Variants in FGD6 observed in about 807,000 individuals in gnomAD.
The protein encoded by FGD6 is FYVE, RhoGEF and PH domain-containing protein 6.
FGD6 carries 90 observed loss-of-function variants against 149.4 expected under a neutral mutation model. The ratio of observed to expected loss-of-function variants is 0.60; its 90% confidence interval spans 0.51 to 0.72. The LOEUF is 0.72. Among genes scored for constraint, FGD6 ranks in the 30% least tolerant of loss-of-function variants. FGD6 has a pLI of 0.00. For synonymous variants in FGD6, 527 were observed against 584.0 expected (o/e 0.90, Z 1.41); for missense variants, 1,437 against 1,684.8 (o/e 0.85, Z 2.57).
At chr12:95,103,986 TTAAG>T (rs1878529792) in intron 14 of FGD6, among the ~76,000 whole-genome samples, 2 of 152,236 alleles carry the variant, frequency 1.3e-5, no homozygotes, top group Non-Finnish European at 2.9e-5. Context: ...GTTAGAACCT[TTAAG>T]TGACACCTAC....
chr12:95,192,420 A>C (rs1881617729), intron 2 of FGD6, among the ~76,000 whole-genome samples: 1 of 152,232 alleles, frequency 6.6e-6, no homozygotes, highest in African/African-American at 2.4e-5. Flanking sequence ...TTATACCATA[A>C]ACAGGATATG....
chr12:95,175,687 G>C (rs1394648465), intron 2 of FGD6, among the ~76,000 whole-genome samples: 1 of 151,420 alleles, frequency 6.6e-6, no homozygotes, highest in African/African-American at 2.4e-5. Flanking sequence ...AGAGGTTGCA[G>C]TACTCAGGAG....
chr12:95,136,568 C>G (rs1269132256), intron 7 of FGD6, among the ~76,000 whole-genome samples: 1 of 152,152 alleles, frequency 6.6e-6, no homozygotes, highest in Non-Finnish European at 1.5e-5. Context: ...AGTTAAAAGT[C>G]AAAGCTTTGG....
intron 8 of FGD6, chr12:95,116,917 AC>A (rs1394490480): frequency 2.2e-6 from 1 of 456,056 alleles, no homozygotes; most frequent in Middle Eastern, 3.3e-4. Flanking sequence ...TAAGAATGTG[AC>A]TGATCACCCT....
In FGD6 at chr12:95,091,776, C is replaced by G; in HGVS notation, c.3781G>C (p.Gly1261Arg). 6.2e-7 allele frequency: 1 copy of G among 1,613,186 alleles called. No individual in the cohort carries two copies. Among genetic ancestry groups the G allele is most frequent in the African/African-American group, 1.3e-5 (1 of 74,986 alleles). ...GGTTGATTTTTCAGGTAATCTAAGC[C>G]ATACTTATTAGACGAACAAGCTTGG... ...VCQACSSNKYGLDYLKNQPAR... is the reference protein window; with the variant it reads ...VCQACSSNKYRLDYLKNQPAR... Residue 1261 changes from glycine to arginine, a missense_variant, in exon 17 of 21, where the codon GGC becomes CGC. Coordinates refer to ENST00000343958, the MANE Select transcript of FGD6 (RefSeq NM_018351.4).
At position 95,115,541 on chromosome 12, in the gene FGD6, A is replaced by G. The variant is rs140140983; in HGVS notation, c.3083-1840T>C. Among the ~76,000 whole-genome samples the G allele has an allele frequency of 2.8e-4, 43 of 152,178 alleles. No individual in the cohort carries two copies. The East Asian group carries it at 7.3e-3, about 26-fold the overall frequency. On this transcript the variant is annotated intron_variant, in intron 8 of 20. Coordinates refer to ENST00000343958, the MANE Select transcript of FGD6 (RefSeq NM_018351.4). ...AGTGAGCCACTGCACCTGGCCAAGA[A>G]TATATTATTTTTTAGATAGGATTGT...
At chr12:95,084,673 A>C in intron 19 of FGD6, 27 bp from the exon 20 acceptor site, 1 of 1,541,972 alleles carries the variant, frequency 6.5e-7, no homozygotes, top group Non-Finnish European at 8.7e-7. Flanking sequence ...CAAATGGAGA[A>C]AAGTTTTTAG....
chr12:95,095,571 A>C (rs1878205575), intron 14 of FGD6, among the ~76,000 whole-genome samples: 2 of 152,134 alleles, frequency 1.3e-5, no homozygotes, highest in African/African-American at 4.8e-5. Flanking sequence ...AGAGCAGAAA[A>C]GAGGAAGGGA....
chr12:95,149,842 T>C (rs1343175882), intron 5 of FGD6, among the ~76,000 whole-genome samples: 1 of 146,398 alleles, frequency 6.8e-6, no homozygotes, highest in Non-Finnish European at 1.5e-5. Context: ...ATATAGTACA[T>C]ATACTATATA....
chr12:95,200,674 A>G (rs1384165353), intron 2 of FGD6, among the ~76,000 whole-genome samples: 2 of 152,174 alleles, frequency 1.3e-5, no homozygotes, highest in African/African-American at 4.8e-5. Flanking sequence ...TACAATCATC[A>G]TATTTACTCC....
At chr12:95,090,497 T>A (rs947781945) in intron 17 of FGD6, among the ~76,000 whole-genome samples, 2 of 152,266 alleles carry the variant, frequency 1.3e-5, no homozygotes, top group Admixed American at 1.3e-4. Flanking sequence ...AGGGCTGGGA[T>A]GGAGAAATCA....
At chr12:95,201,915 T>C (rs899011681) in intron 2 of FGD6, among the ~76,000 whole-genome samples, 1 of 151,544 alleles carries the variant, frequency 6.6e-6, no homozygotes, top group African/African-American at 2.4e-5. Flanking sequence ...TGTGCAAATT[T>C]CAGCTATCTC....
chr12:95,211,179 G>A lies in FGD6; in HGVS notation c.105C>T (p.Asp35=), dbSNP rs1232358838. 2 of 1,613,926 alleles carry A rather than the reference G, an allele frequency of 1.2e-6. No homozygotes were observed. The highest frequency in any genetic ancestry group is 1.7e-6 in the Non-Finnish European group (2 of 1,180,050). The part of the protein sequence containing the change: ...PAPPPIAPKP[D]IVISSVPQST... ...ACTGTGGAACACTAGAAATCACAAT[G>A]TCGGGTTTAGGTGCAATAGGAGGTG... Residue 35 remains aspartate, a synonymous_variant, in exon 2 of 21, where the codon GAC becomes GAT. Transcript: ENST00000343958.
At chr12:95,179,339 G>GAA (rs57452963) in intron 2 of FGD6, among the ~76,000 whole-genome samples, 34 of 142,210 alleles carry the variant, frequency 2.4e-4, no homozygotes, top group African/African-American at 8.3e-4. Flanking sequence ...CCATTTCTAT[G>GAA]AAAAAAAAAA....
chr12:95,169,347 G>T (rs7978118), intron 3 of FGD6, among the ~76,000 whole-genome samples: 133,967 of 152,134 alleles, frequency 0.88, 59,351 homozygotes, highest in East Asian at 0.97. Flanking sequence ...GTACTCTGTT[G>T]CACTAAAAAC....
chr12:95,178,382 T>C (rs1881190887), intron 2 of FGD6, among the ~76,000 whole-genome samples: 1 of 152,198 alleles, frequency 6.6e-6, no homozygotes, highest in Non-Finnish European at 1.5e-5. Flanking sequence ...TGAGTGCTGG[T>C]AGGTAAAGTA....
chr12:95,109,198 A>G (rs1462113164), intron 9 of FGD6, among the ~76,000 whole-genome samples: 1 of 152,148 alleles, frequency 6.6e-6, no homozygotes, highest in Non-Finnish European at 1.5e-5. Flanking sequence ...TGCCTTTAGC[A>G]AAGTGTTTTT....
At chr12:95,203,115 T>C (rs995886107) in intron 2 of FGD6, among the ~76,000 whole-genome samples, 3 of 152,166 alleles carry the variant, frequency 2.0e-5, no homozygotes, top group African/African-American at 7.2e-5. Flanking sequence ...AATCCCATAA[T>C]AGGACTTGCA....
chr12:95,202,194 C>T (rs2056667548), intron 2 of FGD6, among the ~76,000 whole-genome samples: 1 of 151,878 alleles, frequency 6.6e-6, no homozygotes, highest in Non-Finnish European at 1.5e-5. Context: ...CAATACCAGC[C>T]TGGCCAACAT....
Sources: allele counts gnomAD v4.1 joint callset (sites outside exome capture counted in the v4.1 genomes callset), GRCh38; gene constraint gnomAD v4.1.1; transcripts MANE v1.5; gene names NCBI Gene and HGNC (gene_info 2026-07-23, HGNC 2026-07-21).